The following RSPO3 variants were observed in gnomAD, a reference collection of about 807,000 sequenced individuals.
The protein encoded by RSPO3 is R-spondin-3.
RSPO3 carries 17 observed loss-of-function variants against 36.5 expected under a neutral mutation model. The observed-to-expected ratio is 0.47, with a 90% CI of 0.32 to 0.70. RSPO3 has a LOEUF of 0.70. RSPO3 is among the 30% of genes least tolerant of loss of function. RSPO3 has a pLI of 0.04. For missense variants in RSPO3, 294 were observed against 322.5 expected, an observed-to-expected ratio of 0.91 and a Z score of 0.68; for synonymous variants, 108 against 107.0, an observed-to-expected ratio of 1.01 and a Z score of -0.06.
chr6:127,167,432 T>C (rs1774843560), intron 4 of RSPO3, among the ~76,000 whole-genome samples: 1 of 151,992 alleles, frequency 6.6e-6, no homozygotes, highest in African/African-American at 2.4e-5. Flanking sequence ...TCCATTCATA[T>C]CCCTGTAAAG....
At chr6:127,151,561 G>A (rs1774491676) in intron 3 of RSPO3, among the ~76,000 whole-genome samples, 1 of 152,028 alleles carries the variant, frequency 6.6e-6, no homozygotes, top group Non-Finnish European at 1.5e-5. Context: ...CCCCATCTTA[G>A]GGGTCCCTTA....
rs1323355960 is a variant in RSPO3 at position 127,196,049 on chromosome 6, TC to T, written c.*43del. ...ATTGTAGACTCATGATGCTGCTATCTCAACCAGATGCCCAGGACAGGTGCTC... is the reference window on the plus strand; with the variant it reads ...ATTGTAGACTCATGATGCTGCTATCTAACCAGATGCCCAGGACAGGTGCTC... On this transcript the variant is annotated 3_prime_UTR_variant, in exon 5 of 5. Coordinates refer to ENST00000356698, the MANE Select transcript of RSPO3 (RefSeq NM_032784.5). The T allele has an allele frequency of 1.3e-6, 2 of 1,506,194 alleles. No individual in the cohort carries two copies. The highest frequency in any genetic ancestry group is 4.7e-5 in the East Asian group (2 of 42,968). The allele number at this position is 1,506,194 out of a possible 1,614,324, so 93.3% of individuals were successfully genotyped here. A position where few individuals can be genotyped will look rare whatever the true frequency, so the allele number is the denominator to read the frequency against.
intron 1 of RSPO3, among the ~76,000 whole-genome samples, chr6:127,139,144 T>A (rs556859338): frequency 3.9e-5 from 6 of 152,230 alleles, no homozygotes; most frequent in Non-Finnish European, 8.8e-5. Flanking sequence ...CTTCTTCAAT[T>A]CTGTTAGCAA....
chr6:127,174,578 A>G (rs1775010109), intron 4 of RSPO3, among the ~76,000 whole-genome samples: 5 of 151,794 alleles, frequency 3.3e-5, no homozygotes, highest in Admixed American at 3.3e-4. Context: ...GAAGATGAGG[A>G]CTATAATTTT....
At chr6:127,170,480 C>T (rs1380187294) in intron 4 of RSPO3, among the ~76,000 whole-genome samples, 1 of 150,882 alleles carries the variant, frequency 6.6e-6, no homozygotes, top group African/African-American at 2.4e-5. Flanking sequence ...TAAAGTTATA[C>T]ATATATATAT....
intron 4 of RSPO3, among the ~76,000 whole-genome samples, chr6:127,186,331 C>A (rs1487183754): frequency 6.6e-6 from 1 of 152,046 alleles, no homozygotes; most frequent in African/African-American, 2.4e-5. Context: ...AATTCAAATA[C>A]AAGTTTTATT....
At chr6:127,148,972 T>C in intron 2 of RSPO3, 133 bp downstream of exon 2, 1 of 732,072 alleles carries the variant, frequency 1.4e-6, no homozygotes, top group East Asian at 2.8e-5. Context: ...GGCTAAACCA[T>C]ACTTGGACTT....
rs1391190458 is a variant in RSPO3, at chr6:127,199,400, G to T, written c.*3393G>T. On this transcript the variant is annotated 3_prime_UTR_variant, in exon 5 of 5. Coordinates refer to ENST00000356698, the MANE Select transcript of RSPO3 (RefSeq NM_032784.5). ...TGATAGTATTCATAAAAATGTACAT[G>T]CATGATAATTTCAAGGAATAAGTAT... Among the ~76,000 whole-genome samples the T allele has an allele frequency of 3.3e-5, 5 of 152,020 alleles. No individual in the cohort carries two copies. The highest frequency in any genetic ancestry group is 9.7e-5 in the African/African-American group (4 of 41,372).
At chr6:127,124,476 A>G (rs1232731859) in intron 1 of RSPO3, among the ~76,000 whole-genome samples, 1 of 152,014 alleles carries the variant, frequency 6.6e-6, no homozygotes, top group Non-Finnish European at 1.5e-5. Flanking sequence ...CTTGGTTAGG[A>G]CTATTTCTTC....
intron 3 of RSPO3, among the ~76,000 whole-genome samples, chr6:127,153,186 G>T (rs2489628): frequency 0.58 from 87,737 of 151,848 alleles, 25,527 homozygotes; most frequent in African/African-American, 0.66. Context: ...GTTTTAAGAT[G>T]GTTCTTAATA....
chr6:127,161,424 T>C (rs182175178), intron 4 of RSPO3, among the ~76,000 whole-genome samples: 10 of 152,284 alleles, frequency 6.6e-5, no homozygotes, highest in Admixed American at 5.9e-4. Flanking sequence ...TGATATTATA[T>C]CATTTTTTAG....
In RSPO3 at chr6:127,141,854, CAT is replaced by C. The variant is rs200727184; in HGVS notation, c.98-6785_98-6784del. On this transcript the variant is annotated intron_variant, in intron 1 of 4. Transcript: ENST00000356698. ...GTGCATGCATGGGCATGCATGCGTG[CAT>C]ATATATATGTATATACACACATATA... Among the ~76,000 whole-genome samples the C allele has an allele frequency of 4.3e-3, 652 of 151,980 alleles. 6 individuals carry two copies. The highest frequency in any genetic ancestry group is 0.015 in the African/African-American group (629 of 41,418).
intron 4 of RSPO3, among the ~76,000 whole-genome samples, chr6:127,169,282 T>C (rs76895084): frequency 0.011 from 1,624 of 151,988 alleles, 12 homozygotes; most frequent in Non-Finnish European, 0.014. Flanking sequence ...TCTCAGATGC[T>C]GATTTTAATA....
At chr6:127,122,305 A>C (rs1773861598) in intron 1 of RSPO3, among the ~76,000 whole-genome samples, 1 of 152,224 alleles carries the variant, frequency 6.6e-6, no homozygotes, top group Admixed American at 6.5e-5. Context: ...ATACACAATA[A>C]ATTTTTATCT....
At chr6:127,158,189 T>C (rs1774631427) in intron 4 of RSPO3, among the ~76,000 whole-genome samples, 1 of 152,010 alleles carries the variant, frequency 6.6e-6, no homozygotes. Context: ...TTTCTTATTT[T>C]AAGTAGGGTA....
chr6:127,122,173 C>G (rs577416929), intron 1 of RSPO3, among the ~76,000 whole-genome samples: 1 of 152,306 alleles, frequency 6.6e-6, no homozygotes, highest in South Asian at 2.1e-4. Context: ...CCATTTGTCT[C>G]TACTTTGATA....
At chr6:127,154,997 A>G (rs1305503470) in intron 3 of RSPO3, among the ~76,000 whole-genome samples, 2 of 152,152 alleles carry the variant, frequency 1.3e-5, no homozygotes, top group Non-Finnish European at 2.9e-5. Context: ...GTGTTAATCA[A>G]TCTAGAGAAA....
In RSPO3 at chr6:127,124,155, C is replaced by G. The variant is rs564842595; in HGVS notation, c.97+4866C>G. On this transcript the variant is annotated intron_variant, in intron 1 of 4. Transcript: ENST00000356698. ...ACACCTCTGCAATTATAAGAATGAG[C>G]TATGAAAAAATAAAACTATTCTAGA... 9.0e-4 allele frequency among the ~76,000 whole-genome samples: 137 copies of G among 152,050 alleles called. 1 individual carries two copies. The highest frequency in any genetic ancestry group is 5.5e-4 in the Non-Finnish European group (37 of 67,876).
At chr6:127,189,448 G>A (rs534445246) in intron 4 of RSPO3, among the ~76,000 whole-genome samples, 3 of 151,936 alleles carry the variant, frequency 2.0e-5, no homozygotes, top group Non-Finnish European at 2.9e-5. Context: ...AGTAAGCAGG[G>A]GTCATATCAC....
Sources: allele counts gnomAD v4.1 joint callset (sites outside exome capture counted in the v4.1 genomes callset), GRCh38; gene constraint gnomAD v4.1.1; transcripts MANE v1.5; gene names NCBI Gene and HGNC (gene_info 2026-07-23, HGNC 2026-07-21).